Variants in BBS9 observed in about 807,000 individuals in gnomAD.
BBS9 encodes Bardet-Biedl syndrome 9.
Under a neutral mutation model 117.7 loss-of-function variants are expected in BBS9, and 89 were observed. That is an observed-to-expected ratio of 0.76 (90% CI 0.64 to 0.90). BBS9 has a LOEUF of 0.90. BBS9 is among the 40% of genes least tolerant of loss of function. The probability of loss-of-function intolerance (pLI) is 0.00; values close to 1 mark genes in which losing one functional copy is unlikely to be tolerated. For synonymous variants in BBS9, 379 were observed against 370.9 expected, an observed-to-expected ratio of 1.02 and a Z score of -0.25; for missense variants, 982 against 1,042.2, an observed-to-expected ratio of 0.94 and a Z score of 0.80.
intron 21 of BBS9, among the ~76,000 whole-genome samples, chr7:33,581,093 TGTGA>T (rs1240320568): frequency 2.0e-4 from 28 of 141,750 alleles, no homozygotes; most frequent in African/African-American, 7.4e-4. Context: ...TGTGTGTGTG[TGTGA>T]GAGAGAGAGA....
chr7:33,303,523 C>CCCT, intron 9 of BBS9, among the ~76,000 whole-genome samples: 1 of 36,374 alleles, frequency 2.7e-5, no homozygotes, highest in African/African-American at 1.2e-4. Flanking sequence ...ATGATCCCCT[C>CCCT]CCCCCGCCCC....
In BBS9 at chr7:33,395,154, C is replaced by A. The variant is rs7788335; in HGVS notation, c.2115+7010C>A. Among the ~76,000 whole-genome samples the A allele has an allele frequency of 5.0e-3, 754 of 151,512 alleles. 10 individuals are homozygous for A. Among genetic ancestry groups the A allele is most frequent in the African/African-American group, 0.017 (711 of 41,466 alleles). On this transcript the variant is annotated intron_variant, in intron 19 of 22. Coordinates refer to ENST00000242067, the MANE Select transcript of BBS9 (RefSeq NM_198428.3). ...TCATCTAATAGTCATTGTATACACA[C>A]CTATTAGACAGGTAACAAAATCTTT...
In BBS9 at chr7:33,273,130, A is replaced by G. The variant is rs761375820; in HGVS notation, c.821A>G (p.Asn274Ser). 1.2e-6 allele frequency: 2 copies of G among 1,613,720 alleles called. No individual in the cohort carries two copies. Among genetic ancestry groups the G allele is most frequent in the Non-Finnish European group, 1.7e-6 (2 of 1,179,796 alleles). Residue 274 changes from asparagine to serine, a missense_variant, in exon 8 of 23, where the codon AAT becomes AGT. Transcript: ENST00000242067. ...AGAAACTTTTTTTGCCTTAAGGATA[A>G]TGGACAAATTCGATTCATGAAGAAG... ...GERNFFCLKD[N>S]GQIRFMKKLD... is the part of the protein sequence containing the mutation.
At chr7:33,580,251 G>A (rs1859654125) in intron 21 of BBS9, among the ~76,000 whole-genome samples, 1 of 151,594 alleles carries the variant, frequency 6.6e-6, no homozygotes, top group Admixed American at 6.6e-5. Flanking sequence ...ATGATTTTCT[G>A]TCATGTAGCT....
intron 17 of BBS9, among the ~76,000 whole-genome samples, chr7:33,376,048 G>T (rs1823821426): frequency 6.6e-6 from 1 of 151,590 alleles, no homozygotes; most frequent in Non-Finnish European, 1.5e-5. Context: ...AAACTTTTAG[G>T]TTCAGGGGTA....
At chr7:33,462,580 C>T (rs4141012) in intron 19 of BBS9, among the ~76,000 whole-genome samples, 117,859 of 151,984 alleles carry the variant, frequency 0.78, 46,619 homozygotes, top group African/African-American at 0.94. Context: ...TGTAAACGTT[C>T]CTAATGTATG....
chr7:33,188,410 T>A (rs1783515715), intron 5 of BBS9, among the ~76,000 whole-genome samples: 1 of 152,206 alleles, frequency 6.6e-6, no homozygotes, highest in Admixed American at 6.5e-5. Context: ...ATTGACTTTT[T>A]AACTTATAGC....
At chr7:33,630,546 G>A (rs1337868748) in intron 21 of BBS9, among the ~76,000 whole-genome samples, 2 of 152,052 alleles carry the variant, frequency 1.3e-5, no homozygotes, top group African/African-American at 4.8e-5. Flanking sequence ...GTTCAGTAAG[G>A]CCCTAAATAC....
chr7:33,144,779 G>C (rs1792072213), intron 1 of BBS9, among the ~76,000 whole-genome samples: 1 of 152,202 alleles, frequency 6.6e-6, no homozygotes, highest in South Asian at 2.1e-4. Context: ...ACTTTAGGAT[G>C]TTGTGAGAGT....
At chr7:33,205,565 A>G (rs1007011541) in intron 5 of BBS9, among the ~76,000 whole-genome samples, 3 of 152,196 alleles carry the variant, frequency 2.0e-5, no homozygotes, top group Admixed American at 2.0e-4. Context: ...TTCAGGTACA[A>G]GGATATCATG....
At position 33,526,117 on chromosome 7, in the gene BBS9, C is replaced by T. The variant is rs371166300; in HGVS notation, c.2299-7837C>T. Among the ~76,000 whole-genome samples the T allele has an allele frequency of 2.9e-3, 443 of 151,540 alleles. 4 individuals are homozygous for T. Among genetic ancestry groups the T allele is most frequent in the African/African-American group, 9.9e-3 (407 of 41,156 alleles). ...CTTGTAGGGTTTCTGCTGAGAGATC[C>T]GCTGTTAGTCTGATGGGCTTCCCTT... On this transcript the variant is annotated intron_variant, in intron 20 of 22. Transcript: ENST00000242067.
intron 5 of BBS9, among the ~76,000 whole-genome samples, chr7:33,184,657 T>G (rs985241883): frequency 2.9e-4 from 44 of 152,148 alleles, no homozygotes; most frequent in African/African-American, 1.0e-3. Context: ...GGTTCTGCAT[T>G]CTGTTTCCTT....
chr7:33,245,083 A>C (rs936007109), intron 5 of BBS9, among the ~76,000 whole-genome samples: 1 of 152,108 alleles, frequency 6.6e-6, no homozygotes, highest in Non-Finnish European at 1.5e-5. Flanking sequence ...TATGCTTTTG[A>C]AGTCAGAGTT....
At chr7:33,207,019 A>G (rs1379524676) in intron 5 of BBS9, among the ~76,000 whole-genome samples, 1 of 152,116 alleles carries the variant, frequency 6.6e-6, no homozygotes, top group Non-Finnish European at 1.5e-5. Flanking sequence ...AATCAAGATT[A>G]TACATTGTTG....
At chr7:33,207,759 C>A (rs1488126604) in intron 5 of BBS9, among the ~76,000 whole-genome samples, 1 of 152,028 alleles carries the variant, frequency 6.6e-6, no homozygotes, top group Non-Finnish European at 1.5e-5. Context: ...TGTACATAAA[C>A]ATATACATAT....
chr7:33,426,078 C>T (rs1255038468), intron 19 of BBS9, among the ~76,000 whole-genome samples: 4 of 151,952 alleles, frequency 2.6e-5, no homozygotes, highest in Admixed American at 6.6e-5. Context: ...ATGAAGAGAA[C>T]GGAAACATTG....
intron 21 of BBS9, among the ~76,000 whole-genome samples, chr7:33,591,358 A>G (rs1861888468): frequency 6.6e-6 from 1 of 152,088 alleles, no homozygotes; most frequent in African/African-American, 2.4e-5. Flanking sequence ...TTGCATGTGA[A>G]TGTAATATTT....
rs1408480364 is a variant in BBS9 at position 33,605,316 on chromosome 7, C to T, written c.*90C>T. ...ATGCCAAGCACAGATATAGGGCTGG[C>T]GCAGGTGCTTCCTAAAGCTCACCTT... On this transcript the variant is annotated 3_prime_UTR_variant, in exon 23 of 23. Transcript: ENST00000242067. 2.1e-5 allele frequency: 29 copies of T among 1,387,426 alleles called. No homozygotes were observed. The highest frequency in any genetic ancestry group is 7.1e-5 in the African/African-American group (5 of 70,386). 85.9% of individuals were successfully genotyped at this position (1,387,426 alleles called of 1,614,324 possible).
chr7:33,307,770 A>G lies in BBS9; in HGVS notation c.1017-28671A>G, dbSNP rs866223248. On this transcript the variant is annotated intron_variant, in intron 9 of 22. Coordinates refer to ENST00000242067, the MANE Select transcript of BBS9 (RefSeq NM_198428.3). ...TTGCGTGTTCAGTGCAGATGCAGCCATCTTTTTTTTTTTTTTAGTATTTTT... is the reference window on the plus strand; with the variant it reads ...TTGCGTGTTCAGTGCAGATGCAGCCGTCTTTTTTTTTTTTTTAGTATTTTT... 6.3e-4 allele frequency among the ~76,000 whole-genome samples: 55 copies of G among 87,694 alleles called. No homozygotes were observed. The Middle Eastern group carries it at 0.019, about 31-fold the overall frequency. 57.5% of individuals were successfully genotyped at this position (87,694 alleles called of 152,430 possible).
Sources: allele counts gnomAD v4.1 joint callset (sites outside exome capture counted in the v4.1 genomes callset), GRCh38; gene constraint gnomAD v4.1.1; transcripts MANE v1.5; gene names NCBI Gene and HGNC (gene_info 2026-07-23, HGNC 2026-07-21).